Variants in SLC7A1 observed in about 807,000 individuals in gnomAD.
SLC7A1 encodes the protein solute carrier family 7 member 1, also known as high affinity cationic amino acid transporter 1.
SLC7A1 carries 10 observed loss-of-function variants against 53.9 expected under a neutral mutation model. The observed-to-expected ratio is 0.19, with a 90% confidence interval of 0.11 to 0.31. The LOEUF is 0.31. Ranked by LOEUF, SLC7A1 falls within the 10% of genes least tolerant of loss-of-function variation. The pLI is 1.00. For missense variants in SLC7A1, 525 were observed against 827.2 expected (o/e 0.63, Z 4.48); for synonymous variants, 342 against 338.7 (o/e 1.01, Z -0.11).
At chr13:29,580,494 A>G (rs1871598866) in intron 1 of SLC7A1, among the ~76,000 whole-genome samples, 1 of 152,034 alleles carries the variant, frequency 6.6e-6, no homozygotes, top group South Asian at 2.1e-4. Flanking sequence ...TGCGGAGAAC[A>G]CACTTTCAAT....
In SLC7A1 at chr13:29,535,815, C is replaced by T. The variant is rs1463647320; in HGVS notation, c.370+4G>A. 2 of 1,610,308 alleles carry T rather than the reference C, an allele frequency of 1.2e-6. No homozygotes were observed. The highest frequency in any genetic ancestry group is 2.7e-5 in the African/African-American group (2 of 74,832). ...GGCACGAGCTCCGGACCCCTGGGAC[C>T]TACCGATGATGTAGGAGAGGATTAA... On this transcript the variant is annotated splice_donor_region_variant and intron_variant, in intron 3 of 12. Transcript: ENST00000380752.
chr13:29,522,548 AG>A, intron 7 of SLC7A1, 92 bp from the exon 8 acceptor site: 1 of 1,419,368 alleles, frequency 7.0e-7, no homozygotes, highest in Non-Finnish European at 9.8e-7. Context: ...CACGGAGGAG[AG>A]GGAGTCTGAG....
chr13:29,545,500 G>A (rs923457042), intron 2 of SLC7A1, among the ~76,000 whole-genome samples: 30 of 152,366 alleles, frequency 2.0e-4, no homozygotes, highest in Non-Finnish European at 3.7e-4. Flanking sequence ...GCAAGGTGCT[G>A]TGAGGCTCAC....
chr13:29,543,258 T>C (rs770382200), intron 2 of SLC7A1, among the ~76,000 whole-genome samples: 3 of 152,114 alleles, frequency 2.0e-5, no homozygotes, highest in Non-Finnish European at 2.9e-5. Flanking sequence ...CATCAAGAAG[T>C]ACAGAGGCAC....
At chr13:29,550,997 T>A (rs1350910668) in intron 2 of SLC7A1, among the ~76,000 whole-genome samples, 2 of 152,246 alleles carry the variant, frequency 1.3e-5, no homozygotes, top group Non-Finnish European at 2.9e-5. Flanking sequence ...CTGAAGCTAT[T>A]TCATCTTAAT....
At chr13:29,578,499 T>C (rs958500356) in intron 1 of SLC7A1, among the ~76,000 whole-genome samples, 1 of 152,170 alleles carries the variant, frequency 6.6e-6, no homozygotes, top group Non-Finnish European at 1.5e-5. Flanking sequence ...GGGCAAACGT[T>C]GTGAGGCCCA....
intron 1 of SLC7A1, among the ~76,000 whole-genome samples, chr13:29,557,794 G>A (rs182243828): frequency 5.6e-5 from 4 of 71,536 alleles, no homozygotes; most frequent in Non-Finnish European, 1.1e-4. Flanking sequence ...GAATGTGAAT[G>A]AGGGGGAAAG....
rs9579415 is a variant in SLC7A1, at chr13:29,594,345, A to G, written c.-115+1071T>C. Among the ~76,000 whole-genome samples, 866 of 152,362 alleles carry G rather than the reference A, an allele frequency of 5.7e-3. 12 individuals carry two copies. Among genetic ancestry groups the G allele is most frequent in the South Asian group, 0.04 (191 of 4,826 alleles). ...CTATGTCTGGACTAAAACCCAACAC[A>G]TGAGGGCATGGCGGTGATGACGTGA... On this transcript the variant is annotated intron_variant, in intron 1 of 12. Transcript: ENST00000380752.
intron 1 of SLC7A1, among the ~76,000 whole-genome samples, chr13:29,593,238 T>C (rs189023825): frequency 1.3e-3 from 194 of 152,344 alleles, no homozygotes; most frequent in Non-Finnish European, 2.1e-3. Context: ...TCCGATGTGC[T>C]TGGAGTCATA....
At chr13:29,581,737 T>A (rs73454227) in intron 1 of SLC7A1, among the ~76,000 whole-genome samples, 1 of 152,066 alleles carries the variant, frequency 6.6e-6, no homozygotes, top group Admixed American at 6.5e-5. Flanking sequence ...TCCCACCTCA[T>A]CTGCCCATTA....
intron 1 of SLC7A1, among the ~76,000 whole-genome samples, chr13:29,559,746 C>G (rs185488680): frequency 2.1e-3 from 313 of 150,482 alleles, no homozygotes; most frequent in African/African-American, 5.3e-3. Context: ...GATGGAGTCT[C>G]GCTCTGTCGC....
chr13:29,589,835 C>T (rs369021818), intron 1 of SLC7A1, among the ~76,000 whole-genome samples: 6 of 152,196 alleles, frequency 3.9e-5, no homozygotes, highest in Non-Finnish European at 8.8e-5. Context: ...TGACTGCCTA[C>T]CTGTGTGCCC....
At chr13:29,572,678 T>C (rs1337397327) in intron 1 of SLC7A1, among the ~76,000 whole-genome samples, 1 of 152,152 alleles carries the variant, frequency 6.6e-6, no homozygotes, top group Non-Finnish European at 1.5e-5. Flanking sequence ...ACCGCTCTGG[T>C]TCCCCCAGTC....
chr13:29,529,148 T>C (rs368106482), intron 5 of SLC7A1, among the ~76,000 whole-genome samples: 10 of 152,302 alleles, frequency 6.6e-5, no homozygotes, highest in Non-Finnish European at 8.8e-5. Flanking sequence ...GGATGACATA[T>C]TCAAAGGCCT....
At chr13:29,555,161 A>G (rs1870374402) in intron 1 of SLC7A1, among the ~76,000 whole-genome samples, 1 of 150,736 alleles carries the variant, frequency 6.6e-6, no homozygotes, top group South Asian at 2.1e-4. Flanking sequence ...GATCGAGACC[A>G]TCCCGGCTAA....
rs1263011819 is a variant in SLC7A1 at position 29,572,086 on chromosome 13, T to C, written c.-114-18226A>G. 2.6e-5 allele frequency among the ~76,000 whole-genome samples: 4 copies of C among 152,346 alleles called. No homozygotes were observed. In the Middle Eastern group the frequency reaches 0.014, roughly 518 times the overall value. On this transcript the variant is annotated intron_variant, in intron 1 of 12. Transcript: ENST00000380752. ...TGGCCAGTGGCCAAGGAGGCACCAATGCCCAGGTCTGAGGCTGCCTGTGGC... is the reference window on the plus strand; with the variant it reads ...TGGCCAGTGGCCAAGGAGGCACCAACGCCCAGGTCTGAGGCTGCCTGTGGC...
intron 5 of SLC7A1, among the ~76,000 whole-genome samples, chr13:29,529,982 G>T (rs1281603404): frequency 2.6e-5 from 4 of 152,156 alleles, no homozygotes; most frequent in Admixed American, 6.5e-5. Context: ...AGGGTGATGG[G>T]GCCACTGTCG....
intron 1 of SLC7A1, among the ~76,000 whole-genome samples, chr13:29,570,398 A>G (rs1258811152): frequency 6.6e-6 from 1 of 152,204 alleles, no homozygotes; most frequent in Non-Finnish European, 1.5e-5. Flanking sequence ...GAACTTGAAC[A>G]AGTTACGCTA....
At chr13:29,553,366 G>T (rs759913885) in intron 2 of SLC7A1, among the ~76,000 whole-genome samples, 4 of 152,144 alleles carry the variant, frequency 2.6e-5, no homozygotes, top group Admixed American at 6.5e-5. Flanking sequence ...CAGAGCACGA[G>T]ACACAGCGCC....
Sources: allele counts gnomAD v4.1 joint callset (sites outside exome capture counted in the v4.1 genomes callset), GRCh38; gene constraint gnomAD v4.1.1; transcripts MANE v1.5; gene names NCBI Gene and HGNC (gene_info 2026-07-23, HGNC 2026-07-21).